The following USP49 variants were observed in gnomAD, a reference collection of about 807,000 sequenced individuals.
USP49 encodes ubiquitin carboxyl-terminal hydrolase 49.
In USP49, 24 loss-of-function variants were observed where a neutral mutation model predicts 58.6. The ratio of observed to expected loss-of-function variants is 0.41; its 90% CI spans 0.30 to 0.58. The LOEUF is 0.58. USP49 is among the 20% of genes least tolerant of loss of function. The probability of loss-of-function intolerance (pLI) is 0.30; values close to 1 mark genes in which losing one functional copy is unlikely to be tolerated. For synonymous variants in USP49, 408 were observed against 365.1 expected (o/e 1.12, Z -1.34); for missense variants, 703 against 866.1 (o/e 0.81, Z 2.36).
intron 3 of USP49, among the ~76,000 whole-genome samples, chr6:41,861,938 G>C (rs771650174): frequency 2.0e-5 from 3 of 152,030 alleles, no homozygotes; most frequent in Admixed American, 6.6e-5. Context: ...TGTCCCTCAG[G>C]CAATCCGCCC....
intron 3 of USP49, among the ~76,000 whole-genome samples, chr6:41,823,099 CAA>C (rs1265049401): frequency 2.0e-5 from 3 of 152,024 alleles, no homozygotes; most frequent in Non-Finnish European, 2.9e-5. Flanking sequence ...GTGAAAAAAG[CAA>C]AGAGGCAGAA....
chr6:41,871,264 G>A (rs528594948), intron 3 of USP49, among the ~76,000 whole-genome samples: 22 of 152,204 alleles, frequency 1.4e-4, no homozygotes, highest in East Asian at 1.4e-3. Context: ...TGACAGATAC[G>A]ATCTCTATCT....
chr6:41,871,009 C>G (rs1774404349), intron 3 of USP49, among the ~76,000 whole-genome samples: 1 of 151,968 alleles, frequency 6.6e-6, no homozygotes, highest in Non-Finnish European at 1.5e-5. Flanking sequence ...CACGATCACA[C>G]CACTGCACTC....
intron 2 of USP49, chr6:41,874,150 G>T (rs1298497426): frequency 6.6e-6 from 1 of 152,182 alleles, no homozygotes; most frequent in Admixed American, 6.5e-5. Context: ...ATGATGTGGA[G>T]TAACAGAGAC....
intron 3 of USP49, among the ~76,000 whole-genome samples, chr6:41,826,210 T>G (rs1450555893): frequency 6.6e-6 from 1 of 152,096 alleles, no homozygotes; most frequent in African/African-American, 2.4e-5. Context: ...GAGGCTGCAG[T>G]GAGCTGAGAT....
At chr6:41,877,790 G>C (rs938481482) in intron 2 of USP49, among the ~76,000 whole-genome samples, 1 of 152,038 alleles carries the variant, frequency 6.6e-6, no homozygotes, top group Non-Finnish European at 1.5e-5. Flanking sequence ...TGAACTCCTG[G>C]CCTCAAGTGA....
intron 2 of USP49, among the ~76,000 whole-genome samples, chr6:41,888,898 T>C (rs1319004115): frequency 6.6e-6 from 1 of 152,230 alleles, no homozygotes; most frequent in Non-Finnish European, 1.5e-5. Flanking sequence ...GTCAGTTTAA[T>C]TTCCTTATGT....
intron 2 of USP49, among the ~76,000 whole-genome samples, chr6:41,879,105 C>T (rs1359607057): frequency 1.3e-5 from 2 of 152,198 alleles, no homozygotes; most frequent in Admixed American, 1.3e-4. Flanking sequence ...TAACTTTAAA[C>T]ATAGGTCAGA....
chr6:41,807,888 C>T (rs1413699886), intron 3 of USP49, among the ~76,000 whole-genome samples: 1 of 151,794 alleles, frequency 6.6e-6, no homozygotes, highest in Non-Finnish European at 1.5e-5. Flanking sequence ...ATTCTCCTGC[C>T]TCAGCCTCCC....
chr6:41,802,479 A>ATTTTTT (rs11323812), intron 5 of USP49, among the ~76,000 whole-genome samples: 3 of 79,810 alleles, frequency 3.8e-5, no homozygotes, highest in Admixed American at 1.6e-4. Context: ...TTTTTTATTT[A>ATTTTTT]TTTTTTTTTT....
chr6:41,808,407 CTTTT>C (rs5875774), intron 3 of USP49, among the ~76,000 whole-genome samples: 4 of 117,536 alleles, frequency 3.4e-5, no homozygotes, highest in Admixed American at 9.4e-5. Flanking sequence ...AGCTATACAA[CTTTT>C]TTTTTTTTTT....
chr6:41,884,764 A>G (rs1037074720), intron 2 of USP49, among the ~76,000 whole-genome samples: 3 of 152,208 alleles, frequency 2.0e-5, no homozygotes, highest in African/African-American at 7.2e-5. Flanking sequence ...TCTGCTGAAG[A>G]TATTTTTTCA....
At chr6:41,881,820 A>C (rs1268185259) in intron 2 of USP49, among the ~76,000 whole-genome samples, 1 of 152,120 alleles carries the variant, frequency 6.6e-6, no homozygotes, top group Non-Finnish European at 1.5e-5. Flanking sequence ...ACAAAACATA[A>C]TACATACCCA....
intron 3 of USP49, among the ~76,000 whole-genome samples, chr6:41,860,175 G>C (rs1158517799): frequency 6.6e-6 from 1 of 152,124 alleles, no homozygotes; most frequent in African/African-American, 2.4e-5. Flanking sequence ...AGACTGAGGG[G>C]AACTCTACAA....
chr6:41,868,310 GTATTTATT>G (rs548129847), intron 3 of USP49, among the ~76,000 whole-genome samples: 7 of 152,156 alleles, frequency 4.6e-5, no homozygotes, highest in African/African-American at 1.4e-4. Context: ...GTTAACTTCT[GTATTTATT>G]TATTTATTTA....
At chr6:41,823,620 AACCAAGGT>A (rs958451491) in intron 3 of USP49, among the ~76,000 whole-genome samples, 1 of 152,150 alleles carries the variant, frequency 6.6e-6, no homozygotes, top group Non-Finnish European at 1.5e-5. Context: ...ATTTCTTATC[AACCAAGGT>A]ACCAAGGTAA....
intron 3 of USP49, among the ~76,000 whole-genome samples, chr6:41,860,159 G>C (rs1330774173): frequency 1.3e-5 from 2 of 152,154 alleles, no homozygotes; most frequent in Non-Finnish European, 2.9e-5. Flanking sequence ...ACAGTCACCA[G>C]TATTCAGACT....
In USP49 at chr6:41,793,741, T is replaced by C. The variant is rs937642179; in HGVS notation, c.*2792A>G. 6 of 152,162 alleles carry C rather than the reference T, an allele frequency of 3.9e-5. No homozygotes were observed. Among genetic ancestry groups the C allele is most frequent in the Non-Finnish European group, 5.9e-5 (4 of 68,042 alleles). 9.4% of individuals were successfully genotyped at this position (152,162 alleles called of 1,614,324 possible). On this transcript the variant is annotated 3_prime_UTR_variant, in exon 8 of 8. Coordinates refer to ENST00000682992, the MANE Select transcript of USP49 (RefSeq NM_001286554.2). ...TTCGTCTCAGAGGCAACCACAGATATGAGGGTCAGGCTAGATTGAGGTAAA... is the reference window on the plus strand; with the variant it reads ...TTCGTCTCAGAGGCAACCACAGATACGAGGGTCAGGCTAGATTGAGGTAAA...
intron 7 of USP49, chr6:41,797,567 A>G: frequency 1.0e-6 from 1 of 956,876 alleles, no homozygotes; most frequent in South Asian, 4.8e-5. Flanking sequence ...ATGAGGACCT[A>G]AAGCTCCTTT....
Sources: gnomAD v4.1 joint callset for allele counts (sites outside exome capture counted in the v4.1 genomes callset) on GRCh38, gnomAD v4.1.1 for gene constraint, MANE v1.5 for transcripts, NCBI Gene and HGNC (gene_info 2026-07-23, HGNC 2026-07-21) for gene names.